The following SRRM1 variants were observed in gnomAD, a reference collection of about 807,000 sequenced individuals.
The protein encoded by SRRM1 is serine/arginine repetitive matrix protein 1.
Under a neutral mutation model 110.2 loss-of-function variants are expected in SRRM1, and 19 were observed. The ratio of observed to expected loss-of-function variants is 0.17; its 90% confidence interval spans 0.12 to 0.25. The LOEUF is 0.25. SRRM1 is among the 10% of genes least tolerant of loss of function. The pLI is 1.00. For missense variants in SRRM1, 918 were observed against 1,145.8 expected, an observed-to-expected ratio of 0.80 and a Z score of 2.87; for synonymous variants, 443 against 414.9, an observed-to-expected ratio of 1.07 and a Z score of -0.82.
At chr1:24,663,750 G>A (rs932102015) in intron 12 of SRRM1, among the ~76,000 whole-genome samples, 1 of 151,776 alleles carries the variant, frequency 6.6e-6, no homozygotes, top group African/African-American at 2.4e-5. Context: ...GTTGGCGCGT[G>A]CCTGTAATCC....
chr1:24,667,965 C>CTTTTTTTTTTT lies in SRRM1; in HGVS notation c.1739+1057_1739+1067dup. On this transcript the variant is annotated intron_variant, in intron 13 of 16. Transcript: ENST00000323848. ...AGCAATGTAATGACATGCTGCCACT[C>CTTTTTTTTTTT]TTTTTTTTTTTTTTTTTTTTTTTTT... Among the ~76,000 whole-genome samples the CTTTTTTTTTTT allele has an allele frequency of 5.0e-4, 34 of 68,528 alleles. 8 individuals carry two copies. The highest frequency in any genetic ancestry group is 1.9e-3 in the African/African-American group (27 of 14,550). 45.0% of individuals were successfully genotyped at this position (68,528 alleles called of 152,430 possible).
At chr1:24,669,883 A>C in intron 14 of SRRM1, 1 of 559,368 alleles carries the variant, frequency 1.8e-6, no homozygotes. Context: ...TAAGGAACTG[A>C]CATTACTAAT....
chr1:24,669,337 C>T lies in SRRM1; in HGVS notation c.1954C>T (p.Arg652Cys), dbSNP rs866271152. The change falls in exon 14 of 17, where the codon CGT becomes TGT. Residue 652 changes from arginine (R) to cysteine (C), a missense_variant. Around this residue, in one of 5 missense-constraint regions of SRRM1, gnomAD observed 357 missense variants for 402.9 expected, o/e 0.89. Coordinates refer to ENST00000323848, the MANE Select transcript of SRRM1 (RefSeq NM_005839.4). Reference protein sequence around the residue: ...KQRSSPVTKRRSPSLSSKHRK... With the variant: ...KQRSSPVTKRCSPSLSSKHRK... ...AAGAAGCTCCCCAGTCACCAAGAGA[C>T]GTTCACCTTCATTATCATCCAAGCA... is the stretch of plus-strand genomic sequence containing the variant. 25 of 1,614,020 alleles carry T rather than the reference C, an allele frequency of 1.5e-5. No individual in the cohort carries two copies. The highest frequency in any genetic ancestry group is 4.4e-5 in the South Asian group (4 of 91,084).
At chr1:24,646,978 C>T in intron 3 of SRRM1, 189 bp downstream of exon 3, 1 of 438,768 alleles carries the variant, frequency 2.3e-6, no homozygotes, top group Non-Finnish European at 3.9e-6. Flanking sequence ...TTGAAAGCTA[C>T]ACAGGTGAAA....
chr1:24,649,185 C>T (rs745974620), intron 4 of SRRM1, among the ~76,000 whole-genome samples, 156 bp downstream of exon 4: 1 of 152,214 alleles, frequency 6.6e-6, no homozygotes, highest in Non-Finnish European at 1.5e-5. Context: ...CTCCTCCCTC[C>T]AACCAAACAT....
intron 15 of SRRM1, 107 bp downstream of exon 15, chr1:24,670,422 T>A (rs1347548293): frequency 8.2e-7 from 1 of 1,220,942 alleles, no homozygotes; most frequent in Non-Finnish European, 1.1e-6. Flanking sequence ...TTAAACTTTT[T>A]TTCCCATTTG....
intron 1 of SRRM1, among the ~76,000 whole-genome samples, chr1:24,643,922 C>T (rs955216478): frequency 6.6e-6 from 1 of 152,142 alleles, no homozygotes; most frequent in Non-Finnish European, 1.5e-5. Context: ...GCGGGAGCTC[C>T]CGCCCAATTT....
rs367586120 is a variant in SRRM1 at position 24,669,171 on chromosome 1, C to T, written c.1788C>T (p.Tyr596=). The change falls in exon 14 of 17, where the codon TAC becomes TAT. Residue 596 remains tyrosine, a synonymous_variant. Coordinates refer to ENST00000323848, the MANE Select transcript of SRRM1 (RefSeq NM_005839.4). The stretch of plus-strand genomic sequence containing the variant: ...GGCGCTCACCTTCTCCTAGAAGATA[C>T]TCTCCTCCAATACAGAGGAGATACT... The part of the protein sequence containing the change: ...PRRRSPSPRR[Y]SPPIQRRYSP... 4.3e-6 allele frequency: 7 copies of T among 1,613,774 alleles called. No homozygotes were observed. Among genetic ancestry groups the T allele is most frequent in the Non-Finnish European group, 5.9e-6 (7 of 1,179,838 alleles).
intron 8 of SRRM1, 49 bp from the exon 9 acceptor site, chr1:24,654,806 C>T (rs778851538): frequency 9.3e-6 from 15 of 1,606,280 alleles, no homozygotes; most frequent in Non-Finnish European, 1.3e-5. Context: ...CCTGTAAGGC[C>T]GTTCTTTATA....
chr1:24,643,623 G>A (rs749927849), intron 1 of SRRM1: 242 of 388,706 alleles, frequency 6.2e-4, no homozygotes, highest in Non-Finnish European at 9.7e-4. Context: ...CTCGCTGCCC[G>A]CCTGCCTGGC....
intron 11 of SRRM1, among the ~76,000 whole-genome samples, chr1:24,662,195 C>G (rs1557713999): frequency 2.0e-5 from 3 of 152,128 alleles, no homozygotes; most frequent in African/African-American, 7.2e-5. Context: ...AACCTGTAAC[C>G]CCAACACTTT....
chr1:24,670,158 C>T lies in SRRM1; in HGVS notation c.2243C>T (p.Ser748Leu). ...SPSPQSVRRVSSSRSVSGSPE... is the reference protein window; with the variant it reads ...SPSPQSVRRVLSSRSVSGSPE... ...AGCCCACAGTCTGTAAGAAGGGTCT[C>T]ATCCTCCCGATCTGTCTCCGGGTCT... Residue 748 changes from serine (S) to leucine (L), a missense_variant, in exon 15 of 17, where the codon TCA becomes TTA. Ser to Leu is a moderately radical substitution (Grantham distance 145). Around this residue, in one of 5 missense-constraint regions of SRRM1, gnomAD observed 357 missense variants for 402.9 expected, o/e 0.89. Transcript: ENST00000323848. 1.2e-6 allele frequency: 2 copies of T among 1,612,542 alleles called. No homozygotes were observed. The highest frequency in any genetic ancestry group is 8.5e-7 in the Non-Finnish European group (1 of 1,179,434).
intron 5 of SRRM1, among the ~76,000 whole-genome samples, chr1:24,650,871 C>G (rs147161939): frequency 0.015 from 2,344 of 152,268 alleles, 27 homozygotes; most frequent in Admixed American, 0.024. Flanking sequence ...AAAAACCCTT[C>G]GAGTTAGGCA....
chr1:24,656,342 A>G (rs1265678642), intron 9 of SRRM1, among the ~76,000 whole-genome samples: 1 of 152,196 alleles, frequency 6.6e-6, no homozygotes, highest in Admixed American at 6.5e-5. Flanking sequence ...GTAAAAAGTA[A>G]TGTTTTCTGA....
intron 9 of SRRM1, among the ~76,000 whole-genome samples, chr1:24,660,307 T>A (rs888603471): frequency 1.3e-5 from 2 of 152,232 alleles, no homozygotes; most frequent in Non-Finnish European, 2.9e-5. Flanking sequence ...TAACTGTTGG[T>A]TTTCTTGGGA....
chr1:24,643,937 T>A (rs1019719971), intron 1 of SRRM1, among the ~76,000 whole-genome samples: 2 of 151,948 alleles, frequency 1.3e-5, no homozygotes, highest in Admixed American at 6.5e-5. Flanking sequence ...CAATTTGATA[T>A]CCCTTCAGGG....
chr1:24,644,373 A>G (rs1656007661), intron 1 of SRRM1, among the ~76,000 whole-genome samples: 1 of 152,250 alleles, frequency 6.6e-6, no homozygotes, highest in South Asian at 2.1e-4. Flanking sequence ...GAAGTCGTAT[A>G]GAAACTAGTT....
rs893388752 is a variant in SRRM1 at position 24,671,407 on chromosome 1, G to A, written c.2422G>A (p.Gly808Arg). The A allele has an allele frequency of 1.9e-6, 3 of 1,610,608 alleles. No individual in the cohort carries two copies. The highest frequency in any genetic ancestry group is 2.2e-5 in the East Asian group (1 of 44,868). Residue 808 changes from glycine to arginine, a missense_variant, in exon 16 of 17, where the codon GGA (glycine) becomes AGA (arginine). By Grantham distance (125) the Gly-to-Arg change is moderately radical. Transcript: ENST00000323848. ...CTAGAATTCAGATCAGGAAGGAGGT[G>A]GAAAGAAAAAGAAGAAAAAGAAGGA... is the stretch of plus-strand genomic sequence containing the variant. Reference protein sequence around the residue: ...PPRNSDQEGGGKKKKKKKDKK... With the variant: ...PPRNSDQEGGRKKKKKKKDKK...
chr1:24,660,856 G>C, intron 10 of SRRM1, 57 bp downstream of exon 10: 2 of 1,329,958 alleles, frequency 1.5e-6, no homozygotes, highest in Non-Finnish European at 2.1e-6. Flanking sequence ...TTTTCTTAAA[G>C]CTGATTTTGA....
Sources: gnomAD v4.1 joint callset for allele counts (sites outside exome capture counted in the v4.1 genomes callset) on GRCh38, gnomAD v4.1.1 for gene constraint, gnomAD v4.1.1 regional missense constraint, MANE v1.5 for transcripts, NCBI Gene and HGNC (gene_info 2026-07-23, HGNC 2026-07-21) for gene names.